The following PXDN variants were observed in gnomAD, a reference collection of about 807,000 sequenced individuals.
PXDN encodes the protein peroxidasin, also known as peroxidasin homolog.
A neutral mutation model predicts 140.3 loss-of-function variants in PXDN; 77 were observed. The observed-to-expected ratio is 0.55, with a 90% confidence interval of 0.46 to 0.66. PXDN has a LOEUF of 0.66. Ranked by LOEUF, PXDN falls within the 30% of genes least tolerant of loss-of-function variation. The pLI, the probability that PXDN is intolerant of heterozygous loss-of-function variation, is 0.00. For synonymous variants in PXDN, 911 were observed against 857.4 expected (o/e 1.06, Z -1.09); for missense variants, 1,838 against 2,039.5 (o/e 0.90, Z 1.90).
rs779931714 is a variant in PXDN at position 1,685,184 on chromosome 2, GTCTC to G, written c.417-1037_417-1034del. On this transcript the variant is annotated intron_variant, in intron 4 of 22. Coordinates refer to ENST00000252804, the MANE Select transcript of PXDN (RefSeq NM_012293.3). This position sits in a 1 kb window ranked among gnomAD's most constrained non-coding sequence, Gnocchi z 5.1. ...GCAGCACCCACACAGGCCACACTGA[GTCTC>G]TGCGGACACCTGCAGCCGGAGGGCC... Among the ~76,000 whole-genome samples the G allele has an allele frequency of 2.0e-5, 3 of 152,250 alleles. No individual in the cohort carries two copies. Among genetic ancestry groups the G allele is most frequent in the Non-Finnish European group, 4.4e-5 (3 of 68,048 alleles).
rs550784477 is a variant in PXDN, at chr2:1,716,440, G to GAAAA, written c.201-23310_201-23307dup. ...GCAACAGAGTGAGACTCCATCTCAG[G>GAAAA]AAAAAAAAAAAAAAAAAAAAAAAAA... On this transcript the variant is annotated intron_variant, in intron 1 of 22. Coordinates refer to ENST00000252804, the MANE Select transcript of PXDN (RefSeq NM_012293.3). 1.4e-3 allele frequency among the ~76,000 whole-genome samples: 83 copies of GAAAA among 58,222 alleles called. 2 individuals carry two copies. The highest frequency in any genetic ancestry group is 2.3e-3 in the South Asian group (3 of 1,314). The allele number at this position is 58,222 out of a possible 152,430, so 38.2% of individuals were successfully genotyped here.
At chr2:1,740,304 G>C (rs574624653) in intron 1 of PXDN, among the ~76,000 whole-genome samples, 1 of 152,306 alleles carries the variant, frequency 6.6e-6, no homozygotes, top group East Asian at 1.9e-4. Context: ...AGGAGGAGAG[G>C]TCCTCTCCGA....
At position 1,657,484 on chromosome 2, in the gene PXDN, C is replaced by T. The variant is rs147995794; in HGVS notation, c.1838-2976G>A. Among the ~76,000 whole-genome samples, 33 of 149,374 alleles carry T rather than the reference C, an allele frequency of 2.2e-4. No individual in the cohort carries two copies. In the East Asian group the frequency reaches 5.5e-3, roughly 25 times the overall value. ...CTCCTGACAGGGACCTGCTGCCTCC[C>T]GACTGAAGCCTGCCACCTCCTGACT... On this transcript the variant is annotated intron_variant, in intron 14 of 22. Coordinates refer to ENST00000252804, the MANE Select transcript of PXDN (RefSeq NM_012293.3).
In PXDN at chr2:1,714,940, T is replaced by C. The variant is rs1684861729; in HGVS notation, c.201-21806A>G. ...TAACCTATGTCTAGCATTTATCTTT[T>C]GGGAGCATCAGGTTTTAGGCGACAT... On this transcript the variant is annotated intron_variant, in intron 1 of 22. Coordinates refer to ENST00000252804, the MANE Select transcript of PXDN (RefSeq NM_012293.3). This position sits in a 1 kb window ranked among gnomAD's most constrained non-coding sequence, Gnocchi z 4.3. 6.6e-6 allele frequency among the ~76,000 whole-genome samples: 1 copy of C among 152,112 alleles called. No individual in the cohort carries two copies. Among genetic ancestry groups the C allele is most frequent in the Non-Finnish European group, 1.5e-5 (1 of 68,024 alleles).
chr2:1,720,765 C>T (rs371881598), intron 1 of PXDN, among the ~76,000 whole-genome samples: 2 of 151,510 alleles, frequency 1.3e-5, no homozygotes, highest in East Asian at 2.0e-4. Context: ...TACACATATC[C>T]TGTGGTTTCC....
intron 1 of PXDN, among the ~76,000 whole-genome samples, chr2:1,731,158 A>G (rs1468844787): frequency 4.0e-5 from 6 of 151,448 alleles, no homozygotes; most frequent in East Asian, 4.0e-4. Context: ...GCGCGCACAC[A>G]CACACACACA....
At chr2:1,696,292 G>A (rs2125453690) in intron 1 of PXDN, among the ~76,000 whole-genome samples, 1 of 152,276 alleles carries the variant, frequency 6.6e-6, no homozygotes, top group East Asian at 1.9e-4. Context: ...GATGGCACTG[G>A]TCTAGGTTAA....
intron 1 of PXDN, among the ~76,000 whole-genome samples, chr2:1,731,469 A>C (rs1313644407): frequency 2.0e-5 from 3 of 151,820 alleles, no homozygotes; most frequent in Non-Finnish European, 2.9e-5. Context: ...CCTTCACATA[A>C]CCTCCTCTCT....
rs146569387 is a variant in PXDN, at chr2:1,724,922, G to A, written c.200+19334C>T. ...AAGAATGCTACTGGAATTGTAACAA[G>A]AATTGCATTGAATGTAAAGATCACT... On this transcript the variant is annotated intron_variant, in intron 1 of 22. Coordinates refer to ENST00000252804, the MANE Select transcript of PXDN (RefSeq NM_012293.3). 6.8e-4 allele frequency among the ~76,000 whole-genome samples: 103 copies of A among 152,246 alleles called. 2 individuals are homozygous for A. In the East Asian group the frequency reaches 0.018, roughly 26 times the overall value.
chr2:1,632,081 C>T lies in PXDN; in HGVS notation c.*2123G>A, dbSNP rs928980129. On this transcript the variant is annotated 3_prime_UTR_variant, in exon 23 of 23. Coordinates refer to ENST00000252804, the MANE Select transcript of PXDN (RefSeq NM_012293.3). The surrounding 1 kb of genome is among the most constrained non-coding windows in gnomAD (Gnocchi z 4.3). ...GCACAGTGGCTGCTAGACACGTTCA[C>T]CCAGGCACTGCCCACTGTTCTGATT... The T allele has an allele frequency of 2.0e-5, 3 of 152,610 alleles. No homozygotes were observed. Among genetic ancestry groups the T allele is most frequent in the African/African-American group, 4.8e-5 (2 of 41,456 alleles). 9.5% of individuals were successfully genotyped at this position (152,610 alleles called of 1,614,324 possible). A position where few individuals can be genotyped will look rare whatever the true frequency, so the allele number is the denominator to read the frequency against.
chr2:1,658,043 T>G (rs1460769762), intron 14 of PXDN, among the ~76,000 whole-genome samples: 8 of 106,870 alleles, frequency 7.5e-5, no homozygotes, highest in African/African-American at 2.9e-4. Context: ...TCTCTCTCTC[T>G]CTCTCTCTCT....
chr2:1,632,943 G>A lies in PXDN; in HGVS notation c.*1261C>T, dbSNP rs185397777. On this transcript the variant is annotated 3_prime_UTR_variant, in exon 23 of 23. Transcript: ENST00000252804. This position sits in a 1 kb window ranked among gnomAD's most constrained non-coding sequence, Gnocchi z 4.3. Reference sequence around the variant, plus strand: ...CGTGCTGCACTGAAGCTGTGTGTTCGGGGAAAGGTTGCTCAGAACACAGAT... The same window carrying A: ...CGTGCTGCACTGAAGCTGTGTGTTCAGGGAAAGGTTGCTCAGAACACAGAT... 5.2e-5 allele frequency: 8 copies of A among 152,564 alleles called. No homozygotes were observed. Among genetic ancestry groups the A allele is most frequent in the African/African-American group, 1.9e-4 (8 of 41,420 alleles). 9.5% of individuals were successfully genotyped at this position (152,564 alleles called of 1,614,324 possible).
chr2:1,682,720 A>G (rs1683936255), intron 6 of PXDN, among the ~76,000 whole-genome samples: 5 of 152,122 alleles, frequency 3.3e-5, no homozygotes, highest in African/African-American at 1.2e-4. Flanking sequence ...AGGGCGGATC[A>G]CCTGAGGTCA....
In PXDN at chr2:1,666,233, G is replaced by C. The variant is rs373593643; in HGVS notation, c.1272C>G (p.Thr424=). 3.7e-5 allele frequency: 59 copies of C among 1,613,838 alleles called. No homozygotes were observed. Among genetic ancestry groups the C allele is most frequent in the Non-Finnish European group, 4.5e-5 (53 of 1,179,830 alleles). Residue 424 remains threonine, a synonymous_variant, in exon 10 of 23, where the codon ACC becomes ACG. Transcript: ENST00000252804. ...ACCCACCCTGGACGATGATGAAAGCGGTGGCATGGACGCTGTCAATGTTGT... is the reference window on the plus strand; with the variant it reads ...ACCCACCCTGGACGATGATGAAAGCCGTGGCATGGACGCTGTCAATGTTGT... The part of the protein sequence containing the change: ...ATNNIDSVHA[T]AFIIVQALPQ...
At chr2:1,739,995 C>G (rs993188769) in intron 1 of PXDN, among the ~76,000 whole-genome samples, 5 of 152,260 alleles carry the variant, frequency 3.3e-5, no homozygotes, top group Admixed American at 1.3e-4. Context: ...GCAGACGCAT[C>G]TGCACATCCC....
rs201454126 is a variant in PXDN at position 1,729,568 on chromosome 2, GGA to G, written c.200+14686_200+14687del. On this transcript the variant is annotated intron_variant, in intron 1 of 22. Coordinates refer to ENST00000252804, the MANE Select transcript of PXDN (RefSeq NM_012293.3). ...CAGAATGTTCCTACAGCAGGGTGGG[GGA>G]GGGGGGTGAGGGATAAAAGTCTACA... Among the ~76,000 whole-genome samples, 1,239 of 151,078 alleles carry G rather than the reference GGA, an allele frequency of 8.2e-3. 18 individuals are homozygous for G. The highest frequency in any genetic ancestry group is 0.029 in the African/African-American group (1,165 of 40,456).
chr2:1,648,762 G>T lies in PXDN; in HGVS notation c.3018C>A (p.Asn1006Lys). The part of the protein sequence containing the change: ...NRIATELLKL[N>K]PHWDGDTIYY... ...AGATGGTGTCGCCGTCCCAGTGCGG[G>T]TTCAGCTTGAGCAGCTCCGTGGCAA... is the stretch of plus-strand genomic sequence containing the variant. The change falls in exon 17 of 23, where the codon AAC becomes AAA. Residue 1006 changes from asparagine (N) to lysine (K), a missense_variant. Asn to Lys is a moderately conservative substitution (Grantham distance 94). Coordinates refer to ENST00000252804, the MANE Select transcript of PXDN (RefSeq NM_012293.3). The surrounding 1 kb of genome is among the most constrained non-coding windows in gnomAD (Gnocchi z 8.9). 1 of 1,604,252 alleles carries T rather than the reference G, an allele frequency of 6.2e-7. No homozygotes were observed. Among genetic ancestry groups the T allele is most frequent in the Non-Finnish European group, 8.5e-7 (1 of 1,176,096 alleles).
In PXDN at chr2:1,687,413, G is replaced by A. The variant is rs1332758162; in HGVS notation, c.416+219C>T. ...GCCGCCGTAAGGAAACCAGGGATACGTCCTGAGGGGTGGGTGGAGGGCTGG... is the reference window on the plus strand; with the variant it reads ...GCCGCCGTAAGGAAACCAGGGATACATCCTGAGGGGTGGGTGGAGGGCTGG... On this transcript the variant is annotated intron_variant, in intron 4 of 22. Transcript: ENST00000252804. The surrounding 1 kb of genome is among the most constrained non-coding windows in gnomAD (Gnocchi z 4.0). Among the ~76,000 whole-genome samples, 4 of 152,144 alleles carry A rather than the reference G, an allele frequency of 2.6e-5. No individual in the cohort carries two copies. Among genetic ancestry groups the A allele is most frequent in the Non-Finnish European group, 5.9e-5 (4 of 68,026 alleles).
At chr2:1,743,476 C>T (rs1296127758) in intron 1 of PXDN, among the ~76,000 whole-genome samples, 1 of 151,912 alleles carries the variant, frequency 6.6e-6, no homozygotes. Context: ...CAGGACACCC[C>T]AGGAGAGGAC....
Sources: gnomAD v4.1 joint callset for allele counts (sites outside exome capture counted in the v4.1 genomes callset) on GRCh38, gnomAD v4.1.1 for gene constraint, Gnocchi (gnomAD v3.1) non-coding constraint, MANE v1.5 for transcripts, NCBI Gene and HGNC (gene_info 2026-07-23, HGNC 2026-07-21) for gene names.